The following NR6A1 variants were observed in gnomAD, a reference collection of about 807,000 sequenced individuals.
NR6A1 encodes nuclear receptor subfamily 6 group A member 1.
A neutral mutation model predicts 59.1 loss-of-function variants in NR6A1; 7 were observed. The ratio of observed to expected loss-of-function variants is 0.12; its 90% CI spans 0.07 to 0.22. The LOEUF is 0.22. NR6A1 is among the 10% of genes least tolerant of loss of function. NR6A1 has a pLI of 1.00. For missense variants in NR6A1, 468 were observed against 611.6 expected, an observed-to-expected ratio of 0.77 and a Z score of 2.48; for synonymous variants, 243 against 236.1, an observed-to-expected ratio of 1.03 and a Z score of -0.27.
At chr9:124,574,325 G>C (rs1834529904) in intron 2 of NR6A1, among the ~76,000 whole-genome samples, 1 of 152,308 alleles carries the variant, frequency 6.6e-6, no homozygotes, top group South Asian at 2.1e-4. Context: ...ATACCACTCT[G>C]ATCAGAGGCA....
At chr9:124,743,889 GAAC>G (rs1406970306) in intron 1 of NR6A1, among the ~76,000 whole-genome samples, 16 of 152,140 alleles carry the variant, frequency 1.1e-4, no homozygotes, top group Admixed American at 1.0e-3. Context: ...TTCTCTGGAG[GAAC>G]AAAAGGGACT....
At chr9:124,526,552 T>C (rs1832944012) in intron 8 of NR6A1, among the ~76,000 whole-genome samples, 1 of 152,082 alleles carries the variant, frequency 6.6e-6, no homozygotes, top group African/African-American at 2.4e-5. Flanking sequence ...GATTGTGGCA[T>C]TTCAGTTTGA....
At chr9:124,684,958 C>T (rs1453455273) in intron 2 of NR6A1, among the ~76,000 whole-genome samples, 1 of 151,658 alleles carries the variant, frequency 6.6e-6, no homozygotes, top group Non-Finnish European at 1.5e-5. Flanking sequence ...GCTATATCAT[C>T]TATCTTGCAG....
intron 2 of NR6A1, among the ~76,000 whole-genome samples, chr9:124,590,132 C>T (rs1157154688): frequency 6.9e-6 from 1 of 144,368 alleles, no homozygotes; most frequent in Non-Finnish European, 1.5e-5. Context: ...AAGCCACATG[C>T]TGAAACTTCA....
intron 3 of NR6A1, among the ~76,000 whole-genome samples, chr9:124,545,734 G>A (rs1229629803): frequency 6.6e-6 from 1 of 152,178 alleles, no homozygotes; most frequent in East Asian, 1.9e-4. Context: ...TCCTGGAGGT[G>A]TGAAAAGAAA....
At chr9:124,606,371 A>C (rs368433720) in intron 2 of NR6A1, among the ~76,000 whole-genome samples, 18 of 152,188 alleles carry the variant, frequency 1.2e-4, no homozygotes, top group African/African-American at 3.9e-4. Flanking sequence ...AGAACAAGGG[A>C]CCAGGGTTTG....
At chr9:124,758,086 A>C (rs570811708) in intron 1 of NR6A1, among the ~76,000 whole-genome samples, 1 of 152,230 alleles carries the variant, frequency 6.6e-6, no homozygotes, top group African/African-American at 2.4e-5. Context: ...GAACCAAAGT[A>C]TCTCTCAGAT....
chr9:124,598,189 T>C (rs559296802), intron 2 of NR6A1, among the ~76,000 whole-genome samples: 105 of 152,176 alleles, frequency 6.9e-4, no homozygotes, highest in African/African-American at 2.2e-3. Context: ...TAAGATTGTT[T>C]AGCTGGGGAT....
In NR6A1 at chr9:124,684,017, C is replaced by T. The variant is rs572178975; in HGVS notation, c.142+49291G>A. On this transcript the variant is annotated intron_variant, in intron 2 of 9. Transcript: ENST00000487099. The stretch of plus-strand genomic sequence containing the variant: ...AGTGGCATTTTTGGAAACAGAGCAC[C>T]TATGACTCTTGCCCAGTGTGCCTTC... Among the ~76,000 whole-genome samples, 91 of 152,288 alleles carry T rather than the reference C, an allele frequency of 6.0e-4. 1 individual carries two copies. In the South Asian group the frequency reaches 0.018, roughly 31 times the overall value.
intron 2 of NR6A1, chr9:124,598,684 A>T: frequency 1.0e-5 from 5 of 480,336 alleles, no homozygotes; most frequent in South Asian, 2.9e-5. Flanking sequence ...GAAGGGAAAG[A>T]GAGGAAAAAA....
intron 2 of NR6A1, among the ~76,000 whole-genome samples, chr9:124,697,942 C>G (rs1838820889): frequency 6.6e-6 from 1 of 152,176 alleles, no homozygotes. Flanking sequence ...GAATTTCACA[C>G]AAGATCTGAC....
chr9:124,671,898 AG>A (rs1837804254), intron 2 of NR6A1, among the ~76,000 whole-genome samples: 1 of 152,250 alleles, frequency 6.6e-6, no homozygotes, highest in South Asian at 2.1e-4. Flanking sequence ...GAACATACCT[AG>A]GAAACCAACA....
intron 2 of NR6A1, among the ~76,000 whole-genome samples, chr9:124,641,850 A>G (rs1836774141): frequency 6.6e-6 from 1 of 152,200 alleles, no homozygotes; most frequent in African/African-American, 2.4e-5. Flanking sequence ...TTAGAGCCTT[A>G]TTCTGTGCTT....
chr9:124,719,812 C>T (rs57116594), intron 2 of NR6A1, among the ~76,000 whole-genome samples: 1 of 151,844 alleles, frequency 6.6e-6, no homozygotes, highest in African/African-American at 2.4e-5. Flanking sequence ...CCCAGCCACT[C>T]GGGAGACTGA....
chr9:124,539,463 A>C (rs1210802284), intron 5 of NR6A1, among the ~76,000 whole-genome samples: 5 of 152,186 alleles, frequency 3.3e-5, no homozygotes, highest in Non-Finnish European at 1.5e-5. Context: ...AAGTTTGTCA[A>C]TCCATATCCT....
chr9:124,597,151 G>A (rs1347725544), intron 2 of NR6A1, among the ~76,000 whole-genome samples: 3 of 152,122 alleles, frequency 2.0e-5, no homozygotes, highest in Admixed American at 6.5e-5. Flanking sequence ...ATCTTACAAA[G>A]TAGAGCCTAA....
chr9:124,675,281 A>G (rs1837920053), intron 2 of NR6A1, among the ~76,000 whole-genome samples: 1 of 152,266 alleles, frequency 6.6e-6, no homozygotes, highest in Non-Finnish European at 1.5e-5. Context: ...ATAAGCAACA[A>G]ATAAAATCAG....
intron 8 of NR6A1, among the ~76,000 whole-genome samples, chr9:124,525,165 A>G (rs778861905): frequency 7.9e-5 from 12 of 152,170 alleles, no homozygotes; most frequent in Non-Finnish European, 1.5e-4. Context: ...ACCAGTAAAC[A>G]CTAAACAAAT....
At chr9:124,695,384 T>A (rs1317961818) in intron 2 of NR6A1, among the ~76,000 whole-genome samples, 1 of 152,184 alleles carries the variant, frequency 6.6e-6, no homozygotes, top group Non-Finnish European at 1.5e-5. Flanking sequence ...CTTTCGTTTG[T>A]TTGTTTTTTT....
Sources: gnomAD v4.1 joint callset for allele counts (sites outside exome capture counted in the v4.1 genomes callset) on GRCh38, gnomAD v4.1.1 for gene constraint, MANE v1.5 for transcripts, NCBI Gene and HGNC (gene_info 2026-07-23, HGNC 2026-07-21) for gene names.